The following NCKAP5 variants were observed in gnomAD, a reference collection of about 807,000 sequenced individuals.
NCKAP5 encodes the protein nck-associated protein 5.
In NCKAP5, 92 loss-of-function variants were observed where a neutral mutation model predicts 167.0. The observed-to-expected ratio is 0.55, with a 90% CI of 0.47 to 0.66. NCKAP5 has a LOEUF of 0.66. Ranked by LOEUF, NCKAP5 falls within the 30% of genes least tolerant of loss-of-function variation. The pLI is 0.00. For synonymous variants in NCKAP5, 891 were observed against 877.4 expected (o/e 1.02, Z -0.27); for missense variants, 2,378 against 2,315.0 (o/e 1.03, Z -0.56).
At chr2:133,338,375 T>G (rs1450899794) in intron 3 of NCKAP5, among the ~76,000 whole-genome samples, 1 of 152,224 alleles carries the variant, frequency 6.6e-6, no homozygotes, top group African/African-American at 2.4e-5. Flanking sequence ...AGTAACAGAA[T>G]GTAGTAAGTA....
At chr2:133,602,352 G>A in the NCKAP5 span, among the ~76,000 whole-genome samples, 3 of 152,310 alleles carry the variant, frequency 2.0e-5, no homozygotes, top group Admixed American at 2.0e-4. Context: ...TGAGCAGTGA[G>A]GCATTCCTGG....
At chr2:133,528,878 A>G (rs1230153917) in intron 2 of NCKAP5, among the ~76,000 whole-genome samples, 1 of 152,204 alleles carries the variant, frequency 6.6e-6, no homozygotes, top group Non-Finnish European at 1.5e-5. Context: ...CCAGTGACAA[A>G]TGGGTCACAT....
At chr2:133,521,391 C>T (rs1158867674) in intron 2 of NCKAP5, among the ~76,000 whole-genome samples, 1 of 152,204 alleles carries the variant, frequency 6.6e-6, no homozygotes, top group Non-Finnish European at 1.5e-5. Flanking sequence ...ATTTCTAGTG[C>T]AAACTAAAAA....
rs554766191 is a variant in NCKAP5 at position 132,749,230 on chromosome 2, C to T, written c.5129-17179G>A. 3.9e-5 allele frequency among the ~76,000 whole-genome samples: 6 copies of T among 152,066 alleles called. No homozygotes were observed. The South Asian group carries it at 1.0e-3, about 26-fold the overall frequency. ...TTCTTTCTTACTTTGGAGACAGTGT[C>T]TTGCTCTGTTGCCCAGGCTGGAGTG... is the stretch of plus-strand genomic sequence containing the variant. On this transcript the variant is annotated intron_variant, in intron 16 of 19. Coordinates refer to ENST00000409261, the MANE Select transcript of NCKAP5 (RefSeq NM_207363.3).
chr2:133,309,588 A>G, intron 3 of NCKAP5, among the ~76,000 whole-genome samples: 1 of 152,218 alleles, frequency 6.6e-6, no homozygotes, highest in East Asian at 1.9e-4. Context: ...GCAAATTAGA[A>G]TCATTTTAGA....
chr2:132,874,461 G>A (rs1691108465), intron 9 of NCKAP5, among the ~76,000 whole-genome samples: 1 of 152,134 alleles, frequency 6.6e-6, no homozygotes, highest in Admixed American at 6.5e-5. Context: ...ATGCCTGAGA[G>A]TGTCCTGGGA....
At chr2:133,075,100 T>C (rs550071669) in intron 6 of NCKAP5, among the ~76,000 whole-genome samples, 4 of 152,038 alleles carry the variant, frequency 2.6e-5, no homozygotes, top group South Asian at 2.1e-4. Flanking sequence ...AGGAAAAAAA[T>C]TGAAATCAGC....
At chr2:132,737,240 G>A (rs575163870) in intron 16 of NCKAP5, among the ~76,000 whole-genome samples, 1 of 152,282 alleles carries the variant, frequency 6.6e-6, no homozygotes, top group Admixed American at 6.5e-5. Context: ...ACAGCAGAAT[G>A]GTAGAGAATC....
chr2:133,611,747 T>C, the NCKAP5 span, among the ~76,000 whole-genome samples: 2 of 152,246 alleles, frequency 1.3e-5, no homozygotes, highest in East Asian at 1.9e-4. Context: ...CTCTCCAAAA[T>C]AGAGAAGCCA....
intron 5 of NCKAP5, among the ~76,000 whole-genome samples, chr2:133,139,751 G>A (rs2082928264): frequency 6.6e-6 from 1 of 152,128 alleles, no homozygotes; most frequent in African/African-American, 2.4e-5. Flanking sequence ...GGTTCCTTGG[G>A]TTGGAAAAGG....
intron 3 of NCKAP5, among the ~76,000 whole-genome samples, chr2:133,382,896 T>A (rs893750129): frequency 1.3e-5 from 2 of 152,114 alleles, no homozygotes; most frequent in African/African-American, 4.8e-5. Context: ...CTCAGTGTCT[T>A]ACCAAAGGCA....
intron 6 of NCKAP5, among the ~76,000 whole-genome samples, chr2:133,098,591 A>G (rs550197045): frequency 6.6e-6 from 1 of 152,206 alleles, no homozygotes; most frequent in Non-Finnish European, 1.5e-5. Context: ...TTTATTAGTG[A>G]GTAAACATTA....
intron 16 of NCKAP5, among the ~76,000 whole-genome samples, chr2:132,738,105 T>G (rs964880679): frequency 1.3e-5 from 2 of 150,450 alleles, no homozygotes; most frequent in Admixed American, 6.8e-5. Context: ...TTGCTCTGAC[T>G]TTAGCAACCA....
intron 5 of NCKAP5, among the ~76,000 whole-genome samples, chr2:133,167,496 T>G (rs926016256): frequency 2.6e-5 from 4 of 152,180 alleles, no homozygotes; most frequent in Admixed American, 6.5e-5. Flanking sequence ...CCATACATGG[T>G]AGATAGGAAA....
chr2:133,467,653 G>T (rs1310598986), intron 3 of NCKAP5, among the ~76,000 whole-genome samples: 4 of 150,346 alleles, frequency 2.7e-5, no homozygotes, highest in African/African-American at 4.9e-5. Flanking sequence ...ACTCTTTTTG[G>T]TTGGTAAGCT....
intron 15 of NCKAP5, among the ~76,000 whole-genome samples, chr2:132,779,519 T>G (rs1682837881): frequency 6.6e-6 from 1 of 152,006 alleles, no homozygotes; most frequent in East Asian, 1.9e-4. Flanking sequence ...CAATTTGTGG[T>G]TTTATAATGC....
intron 3 of NCKAP5, among the ~76,000 whole-genome samples, chr2:133,513,588 T>C (rs1229528824): frequency 6.6e-6 from 1 of 152,170 alleles, no homozygotes; most frequent in Non-Finnish European, 1.5e-5. Flanking sequence ...GTGTTATGAA[T>C]GTTGTGGAAG....
intron 3 of NCKAP5, among the ~76,000 whole-genome samples, chr2:133,392,450 G>C (rs1008045480): frequency 1.3e-5 from 2 of 152,118 alleles, no homozygotes; most frequent in African/African-American, 2.4e-5. Context: ...TCATTATTAA[G>C]TGACATATGA....
At chr2:133,254,306 G>T (rs1424048036) in intron 4 of NCKAP5, among the ~76,000 whole-genome samples, 1 of 152,028 alleles carries the variant, frequency 6.6e-6, no homozygotes, top group Non-Finnish European at 1.5e-5. Flanking sequence ...GTGGAGAGAT[G>T]ATATGGAGGG....
Sources: allele counts gnomAD v4.1 joint callset (sites outside exome capture counted in the v4.1 genomes callset), GRCh38; gene constraint gnomAD v4.1.1; transcripts MANE v1.5; gene names NCBI Gene and HGNC (gene_info 2026-07-23, HGNC 2026-07-21).